DYNC2I1: variants seen among roughly 807,000 people sequenced by gnomAD.
DYNC2I1 encodes the protein dynein 2 intermediate chain 1, also known as cytoplasmic dynein 2 intermediate chain 1.
DYNC2I1 carries 89 observed loss-of-function variants against 133.4 expected under a neutral mutation model. The ratio of observed to expected loss-of-function variants is 0.67; its 90% CI spans 0.56 to 0.80. The LOEUF (loss-of-function observed/expected upper bound fraction) is 0.80, where lower values mean the gene tolerates loss of function less well. DYNC2I1 is among the 30% of genes least tolerant of loss of function. The pLI, the probability that DYNC2I1 is intolerant of heterozygous loss-of-function variation, is 0.00. For synonymous variants in DYNC2I1, 504 were observed against 484.3 expected (o/e 1.04, Z -0.54); for missense variants, 1,291 against 1,314.5 (o/e 0.98, Z 0.28).
chr7:158,877,697 T>C (rs1385986302), intron 4 of DYNC2I1, among the ~76,000 whole-genome samples: 3 of 152,218 alleles, frequency 2.0e-5, no homozygotes, highest in African/African-American at 4.8e-5. Context: ...TTATTTTTTT[T>C]CTCTCTTTTT....
intron 5 of DYNC2I1, among the ~76,000 whole-genome samples, chr7:158,883,256 C>T (rs796615571): frequency 7.6e-5 from 11 of 144,808 alleles, no homozygotes; most frequent in Non-Finnish European, 1.0e-4. Flanking sequence ...CTCACTGTAT[C>T]GCCCAGGCCA....
At chr7:158,901,663 A>T (rs1846273415) in intron 8 of DYNC2I1, 76 bp from the exon 9 acceptor site, 8 of 916,680 alleles carry the variant, frequency 8.7e-6, no homozygotes, top group Non-Finnish European at 1.4e-5. Flanking sequence ...GAAAACATAT[A>T]TGTTTTCCCA....
downstream of DYNC2I1, among the ~76,000 whole-genome samples, chr7:158,957,027 G>A (rs1852216956): frequency 6.6e-6 from 1 of 152,174 alleles, no homozygotes; most frequent in African/African-American, 2.4e-5. Context: ...CTCCAGCCCT[G>A]AACTGGGTCC....
chr7:158,927,081 T>C, intron 20 of DYNC2I1, 38 bp downstream of exon 20: 7 of 1,452,118 alleles, frequency 4.8e-6, no homozygotes, highest in Non-Finnish European at 6.6e-6. Context: ...TAGTGTTTTC[T>C]AAAATGAATC....
At chr7:158,914,809 C>A (rs1014936068) in intron 14 of DYNC2I1, among the ~76,000 whole-genome samples, 1 of 152,230 alleles carries the variant, frequency 6.6e-6, no homozygotes, top group African/African-American at 2.4e-5. Flanking sequence ...CCCACTCCAC[C>A]ACCCACCCCA....
intron 23 of DYNC2I1, among the ~76,000 whole-genome samples, chr7:158,935,536 T>C (rs907576147): frequency 1.3e-5 from 2 of 152,232 alleles, no homozygotes; most frequent in Admixed American, 6.5e-5. Flanking sequence ...ACTACTCTTA[T>C]AGTACTTAAA....
chr7:158,895,396 A>G (rs1845669210), intron 8 of DYNC2I1, among the ~76,000 whole-genome samples: 1 of 152,218 alleles, frequency 6.6e-6, no homozygotes, highest in South Asian at 2.1e-4. Flanking sequence ...GGAGACTATC[A>G]TTCATTCATT....
intron 23 of DYNC2I1, among the ~76,000 whole-genome samples, chr7:158,938,026 A>T (rs1214448457): frequency 1.3e-5 from 2 of 152,248 alleles, no homozygotes; most frequent in African/African-American, 4.8e-5. Flanking sequence ...TTCAAGAGGG[A>T]GCTAACAAGG....
intron 9 of DYNC2I1, among the ~76,000 whole-genome samples, 167 bp downstream of exon 9, chr7:158,901,983 A>ACTT (rs567581771): frequency 6.6e-6 from 1 of 152,206 alleles, no homozygotes; most frequent in African/African-American, 2.4e-5. Context: ...TGCTTGCTAT[A>ACTT]CTTCTACTAA....
rs1391758449 is a variant in DYNC2I1 at position 158,930,334 on chromosome 7, A to C, written c.2486-121A>C. ...GGAGGGATGCTGTGTATTGATTTGC[A>C]TTTGATGTTATTTCCTAACACAGAT... On this transcript the variant is annotated intron_variant, in intron 20 of 24. Transcript: ENST00000407559. The C allele has an allele frequency of 9.1e-6, 8 of 882,102 alleles. No individual in the cohort carries two copies. In the Admixed American group the frequency reaches 1.0e-4, roughly 11 times the overall value. The allele number at this position is 882,102 out of a possible 1,614,324, so 54.6% of individuals were successfully genotyped here.
intron 15 of DYNC2I1, among the ~76,000 whole-genome samples, chr7:158,921,496 C>T (rs1849088021): frequency 6.6e-6 from 1 of 152,150 alleles, no homozygotes; most frequent in Non-Finnish European, 1.5e-5. Flanking sequence ...ACTCGAGAAC[C>T]TCATCCCACT....
downstream of DYNC2I1, among the ~76,000 whole-genome samples, chr7:158,949,247 CAT>C (rs1851979363): frequency 6.6e-6 from 1 of 151,858 alleles, no homozygotes; most frequent in South Asian, 2.1e-4. Context: ...CAGAGTCACA[CAT>C]AGTCACACAT....
intron 1 of DYNC2I1, among the ~76,000 whole-genome samples, chr7:158,861,196 C>G (rs1841840987): frequency 6.6e-6 from 1 of 152,170 alleles, no homozygotes; most frequent in Admixed American, 6.6e-5. Context: ...CCTTCTCTGT[C>G]CTTTTGAGAT....
At position 158,945,492 on chromosome 7, in the gene DYNC2I1, C is replaced by T; in HGVS notation, c.3003-89C>T. On this transcript the variant is annotated intron_variant, in intron 24 of 24. Coordinates refer to ENST00000407559, the MANE Select transcript of DYNC2I1 (RefSeq NM_018051.5). The surrounding 1 kb of genome is among the most constrained non-coding windows in gnomAD (Gnocchi z 4.1). Reference sequence around the variant, plus strand: ...GAATTTCTCATCCGTTTCACTCTTCCCATGGAAGGTAGACATTTTGAAGAC... The same window carrying T: ...GAATTTCTCATCCGTTTCACTCTTCTCATGGAAGGTAGACATTTTGAAGAC... 7.4e-7 allele frequency: 1 copy of T among 1,357,346 alleles called. No homozygotes were observed. The highest frequency in any genetic ancestry group is 1.4e-5 in the South Asian group (1 of 71,440). The allele number at this position is 1,357,346 out of a possible 1,614,324, so 84.1% of individuals were successfully genotyped here.
intron 1 of DYNC2I1, chr7:158,869,536 A>G (rs1424352539): frequency 4.0e-6 from 2 of 495,430 alleles, no homozygotes; most frequent in Admixed American, 2.3e-5. Context: ...CTGACACAAG[A>G]TATTTTAAAC....
At chr7:158,856,061 C>A (rs1162663668), upstream of DYNC2I1, among the ~76,000 whole-genome samples, 1 of 151,378 alleles carries the variant, frequency 6.6e-6, no homozygotes, top group African/African-American at 2.4e-5. Context: ...TCTGCCTCAG[C>A]CTCCCGAGTA....
intron 3 of DYNC2I1, among the ~76,000 whole-genome samples, chr7:158,875,174 C>T (rs1351706664): frequency 1.4e-5 from 2 of 145,942 alleles, no homozygotes; most frequent in East Asian, 4.1e-4. Context: ...TGGCTCACTG[C>T]ATTCTCTGTC....
At chr7:158,948,545 A>C (rs1851956656), downstream of DYNC2I1, among the ~76,000 whole-genome samples, 1 of 150,886 alleles carries the variant, frequency 6.6e-6, no homozygotes, top group African/African-American at 2.5e-5. Context: ...TCTCACAGTC[A>C]TCGCCCCCGG....
In DYNC2I1 at chr7:158,895,034, T is replaced by C. The variant is rs577923530; in HGVS notation, c.1059+3701T>C. Among the ~76,000 whole-genome samples the C allele has an allele frequency of 4.6e-5, 7 of 152,358 alleles. 1 individual carries two copies. The South Asian group carries it at 1.4e-3, about 32-fold the overall frequency. ...TTTTATTGTTGAGTTTTAAGAGTTC[T>C]CTGTGTGTTTTGGATAACACTGCTT... On this transcript the variant is annotated intron_variant, in intron 8 of 24. Transcript: ENST00000407559.
Sources: gnomAD v4.1 joint callset for allele counts (sites outside exome capture counted in the v4.1 genomes callset) on GRCh38, gnomAD v4.1.1 for gene constraint, Gnocchi (gnomAD v3.1) non-coding constraint, MANE v1.5 for transcripts, NCBI Gene and HGNC (gene_info 2026-07-23, HGNC 2026-07-21) for gene names.